TBCD: variants seen among roughly 807,000 people sequenced by gnomAD.
The protein encoded by TBCD is tubulin folding cofactor D.
In TBCD, 105 loss-of-function variants were observed where a neutral mutation model predicts 169.3. That is an observed-to-expected ratio of 0.62 (90% CI 0.53 to 0.73). The LOEUF is 0.73. Among genes scored for constraint, TBCD ranks in the 30% least tolerant of loss-of-function variants. The pLI, the probability that TBCD is intolerant of heterozygous loss-of-function variation, is 0.00. For missense variants in TBCD, 1,444 were observed against 1,600.1 expected (o/e 0.90, Z 1.66); for synonymous variants, 700 against 643.9 (o/e 1.09, Z -1.32).
At chr17:82,776,798 A>AGCTGCTCT (rs1164387722) in intron 6 of TBCD, among the ~76,000 whole-genome samples, 1 of 152,180 alleles carries the variant, frequency 6.6e-6, no homozygotes, top group Non-Finnish European at 1.5e-5. Flanking sequence ...GGTGGCTCTC[A>AGCTGCTCT]GCTGCTCTCT....
chr17:82,908,621 C>T (rs944163166), intron 21 of TBCD, among the ~76,000 whole-genome samples: 6 of 152,208 alleles, frequency 3.9e-5, no homozygotes, highest in African/African-American at 1.2e-4. Context: ...TGTTTGCTTA[C>T]ATTTTTCACT....
chr17:82,859,659 AG>A, intron 13 of TBCD: 1 of 985,414 alleles, frequency 1.0e-6, no homozygotes, highest in Non-Finnish European at 1.2e-6. Context: ...AATTGTGGAC[AG>A]GCTCCTGAGG....
intron 13 of TBCD, among the ~76,000 whole-genome samples, chr17:82,828,322 G>GCA (rs951841886): frequency 7.9e-6 from 1 of 126,986 alleles, no homozygotes; most frequent in Non-Finnish European, 1.6e-5. Context: ...ACAATCTAAT[G>GCA]CACACACACA....
At chr17:82,870,498 C>G in intron 14 of TBCD, 118 bp downstream of exon 14, 1 of 1,346,946 alleles carries the variant, frequency 7.4e-7, no homozygotes, top group Non-Finnish European at 9.9e-7. Flanking sequence ...ATTACTTGGC[C>G]AGAGGATCTG....
At chr17:82,904,991 G>C (rs1365794916) in intron 19 of TBCD, among the ~76,000 whole-genome samples, 1 of 152,228 alleles carries the variant, frequency 6.6e-6, no homozygotes, top group Non-Finnish European at 1.5e-5. Context: ...TAGCCTCTCT[G>C]ATTCTCAAAC....
At chr17:82,924,711 C>G (rs977722521) in intron 26 of TBCD, among the ~76,000 whole-genome samples, 1 of 152,170 alleles carries the variant, frequency 6.6e-6, no homozygotes, top group African/African-American at 2.4e-5. Flanking sequence ...TAAGCTTGCA[C>G]CACGGCACTC....
chr17:82,795,959 C>T (rs2050074084), intron 7 of TBCD: 1 of 152,342 alleles, frequency 6.6e-6, no homozygotes, highest in Non-Finnish European at 1.5e-5. Context: ...CTGCCTGCCT[C>T]TGTTGGTTGT....
chr17:82,752,683 C>T (rs760232076), intron 1 of TBCD, among the ~76,000 whole-genome samples: 13 of 152,156 alleles, frequency 8.5e-5, no homozygotes, highest in Non-Finnish European at 1.8e-4. Flanking sequence ...AGAAGCCCTC[C>T]GTCCCCCGTC....
intron 6 of TBCD, among the ~76,000 whole-genome samples, chr17:82,773,807 A>G (rs2048424634): frequency 6.6e-6 from 1 of 151,618 alleles, no homozygotes; most frequent in Non-Finnish European, 1.5e-5. Flanking sequence ...GCTCACTGCA[A>G]GCTCTGCCTC....
Position 82,870,499 on chromosome 17 carries a change from A to G in TBCD, c.1475+119A>G, listed in dbSNP as rs115409911. ...CGTGAAAAGGTGAAATTACTTGGCC[A>G]GAGGATCTGTGACAAAGCCACCGCT... On this transcript the variant is annotated intron_variant, in intron 14 of 38. Transcript: ENST00000355528. 4.9e-3 allele frequency: 6,575 copies of G among 1,345,674 alleles called. 286 individuals are homozygous for G. The African/African-American group carries it at 0.085, about 17-fold the overall frequency. 83.4% of individuals were successfully genotyped at this position (1,345,674 alleles called of 1,614,324 possible).
chr17:82,905,294 T>G (rs1009938133), intron 19 of TBCD, among the ~76,000 whole-genome samples: 1 of 152,228 alleles, frequency 6.6e-6, no homozygotes, highest in African/African-American at 2.4e-5. Context: ...CCCTCTCCTG[T>G]CTGAGTTACC....
chr17:82,908,527 T>C, intron 21 of TBCD: 1 of 331,790 alleles, frequency 3.0e-6, no homozygotes, highest in Non-Finnish European at 5.9e-6. Context: ...GTTGTCCAGA[T>C]AGCTTTATAT....
intron 13 of TBCD, among the ~76,000 whole-genome samples, chr17:82,826,433 T>C (rs2052858489): frequency 6.6e-6 from 1 of 152,206 alleles, no homozygotes; most frequent in Admixed American, 6.5e-5. Context: ...TTTTTATTTT[T>C]TGAAATGATT....
At chr17:82,870,496 G>C in intron 14 of TBCD, 116 bp downstream of exon 14, 1 of 1,359,286 alleles carries the variant, frequency 7.4e-7, no homozygotes, top group African/African-American at 1.5e-5. Flanking sequence ...AAATTACTTG[G>C]CCAGAGGATC....
chr17:82,929,048 T>C (rs1196527434), intron 30 of TBCD, 65 bp from the exon 31 acceptor site: 2 of 1,562,020 alleles, frequency 1.3e-6, no homozygotes, highest in African/African-American at 2.7e-5. Flanking sequence ...CCGCCTGTGC[T>C]CAGTTTACCG....
At chr17:82,870,732 T>C (rs1036973790) in intron 14 of TBCD, among the ~76,000 whole-genome samples, 1 of 152,212 alleles carries the variant, frequency 6.6e-6, no homozygotes, top group African/African-American at 2.4e-5. Flanking sequence ...GCACGCTGGG[T>C]GGCGTGGGAG....
intron 3 of TBCD, among the ~76,000 whole-genome samples, chr17:82,764,808 G>GGT (rs2047944686): frequency 8.7e-6 from 1 of 114,530 alleles, no homozygotes; most frequent in Non-Finnish European, 1.7e-5. Context: ...CAAGCTTGCG[G>GGT]GTGTCTGTGC....
At chr17:82,854,612 G>A (rs1412825345) in intron 13 of TBCD, among the ~76,000 whole-genome samples, 1 of 152,224 alleles carries the variant, frequency 6.6e-6, no homozygotes, top group African/African-American at 2.4e-5. Context: ...ATGGGTAACA[G>A]TGGTCAGAAA....
intron 27 of TBCD, among the ~76,000 whole-genome samples, chr17:82,925,786 A>C (rs568055225): frequency 1.3e-5 from 2 of 152,276 alleles, no homozygotes; most frequent in African/African-American, 4.8e-5. Context: ...ATGACAGATG[A>C]GGTTGTCGGG....
Sources: gnomAD v4.1 joint callset for allele counts (sites outside exome capture counted in the v4.1 genomes callset) on GRCh38, gnomAD v4.1.1 for gene constraint, MANE v1.5 for transcripts, NCBI Gene and HGNC (gene_info 2026-07-23, HGNC 2026-07-21) for gene names.